MED15: variants seen among roughly 807,000 people sequenced by gnomAD.
MED15 encodes mediator complex subunit 15.
MED15 carries 41 observed loss-of-function variants against 118.7 expected under a neutral mutation model. That is an observed-to-expected ratio of 0.35 (90% CI 0.27 to 0.45). MED15 has a LOEUF of 0.45. Ranked by LOEUF, MED15 falls within the 20% of genes least tolerant of loss-of-function variation. The pLI, the probability that MED15 is intolerant of heterozygous loss-of-function variation, is 1.00. For missense variants in MED15, 740 were observed against 1,025.5 expected, an observed-to-expected ratio of 0.72 and a Z score of 3.80; for synonymous variants, 436 against 413.9, an observed-to-expected ratio of 1.05 and a Z score of -0.65.
rs558084569 is a variant in MED15 at position 20,585,920 on chromosome 22, G to T, written c.2230+94G>T. 113 of 1,213,156 alleles carry T rather than the reference G, an allele frequency of 9.3e-5. No homozygotes were observed. In the African/African-American group the frequency reaches 1.4e-3, roughly 15 times the overall value. 75.1% of individuals were successfully genotyped at this position (1,213,156 alleles called of 1,614,324 possible). The stretch of plus-strand genomic sequence containing the variant: ...CCACTGCAGCAGGGACAGCCTCTGT[G>T]TGCTCCTGCCCCTCCCCAGCTCAGG... On this transcript the variant is annotated intron_variant, in intron 17 of 17. Coordinates refer to ENST00000263205, the MANE Select transcript of MED15 (RefSeq NM_001003891.3).
At position 20,586,902 on chromosome 22, in the gene MED15, T is replaced by TG. The variant is rs553242234; in HGVS notation, c.*204dup. On this transcript the variant is annotated 3_prime_UTR_variant, in exon 18 of 18. Coordinates refer to ENST00000263205, the MANE Select transcript of MED15 (RefSeq NM_001003891.3). Reference sequence around the variant, plus strand: ...GATAGGCGCAGTGGAGCGGGTTGCTTGGGGGGCGTTGGCCGACTTCTTAGA... The same window carrying TG: ...GATAGGCGCAGTGGAGCGGGTTGCTTGGGGGGGCGTTGGCCGACTTCTTAGA... 127 of 819,404 alleles carry TG rather than the reference T, an allele frequency of 1.5e-4. No individual in the cohort carries two copies. The African/African-American group carries it at 2.0e-3, about 13-fold the overall frequency. The allele number at this position is 819,404 out of a possible 1,614,324, so 50.8% of individuals were successfully genotyped here.
At chr22:20,557,835 G>C (rs1209043509) in intron 5 of MED15, among the ~76,000 whole-genome samples, 1 of 152,180 alleles carries the variant, frequency 6.6e-6, no homozygotes, top group East Asian at 1.9e-4. Context: ...GGCTGGGCAC[G>C]GTGGCTCACG....
rs1478787896 is a variant in MED15 at position 20,582,718 on chromosome 22, G to A, written c.1380G>A (p.Gln460=). 6.6e-7 allele frequency: 1 copy of A among 1,525,782 alleles called. No individual in the cohort carries two copies. Among genetic ancestry groups the A allele is most frequent in the South Asian group, 1.1e-5 (1 of 89,512 alleles). 94.5% of individuals were successfully genotyped at this position (1,525,782 alleles called of 1,614,324 possible). The change falls in exon 10 of 18, where the codon CAG becomes CAA. Residue 460 remains glutamine (Q), a synonymous_variant. Transcript: ENST00000263205. The part of the protein sequence containing the change: ...PPPQPSPQPG[Q]PSSQPNSNVS... ...CCCAGCCGTCCCCGCAGCCCGGCCA[G>A]CCCAGCTCACAGCCCAACTCCAACG... is the stretch of plus-strand genomic sequence containing the variant.
intron 14 of MED15, 106 bp from the exon 15 acceptor site, chr22:20,584,749 G>A (rs2057083918): frequency 1.4e-6 from 2 of 1,379,682 alleles, no homozygotes; most frequent in Admixed American, 4.0e-5. Context: ...TGTGAGAGAG[G>A]CCTCGGGAAT....
intron 2 of MED15, among the ~76,000 whole-genome samples, chr22:20,543,133 GTGTGTGTGTGTGTGTGTGTA>G (rs1390244098): frequency 2.3e-5 from 1 of 44,020 alleles, no homozygotes; most frequent in Non-Finnish European, 4.8e-5. Context: ...GTGTGTGTGT[GTGTGTGTGTGTGTGTGTGTA>G]TTTTTAAAAT....
intron 9 of MED15, among the ~76,000 whole-genome samples, chr22:20,577,467 C>T (rs1029879542): frequency 1.3e-5 from 2 of 151,136 alleles, no homozygotes; most frequent in East Asian, 2.0e-4. Flanking sequence ...CCCAGCCTTC[C>T]CTGGCCCTTA....
chr22:20,583,266 A>AG lies in MED15; in HGVS notation c.1672+23dup. On this transcript the variant is annotated intron_variant, in intron 12 of 17. Coordinates refer to ENST00000263205, the MANE Select transcript of MED15 (RefSeq NM_001003891.3). ...AACGAAGGTAGGCTGCAGCCAGGGCAGGGGCCTGCACCCTGGGGACACCAC... is the reference window on the plus strand; with the variant it reads ...AACGAAGGTAGGCTGCAGCCAGGGCAGGGGGCCTGCACCCTGGGGACACCAC... The AG allele has an allele frequency of 6.2e-7, 1 of 1,611,886 alleles. No individual in the cohort carries two copies. Among genetic ancestry groups the AG allele is most frequent in the Non-Finnish European group, 8.5e-7 (1 of 1,178,592 alleles).
At chr22:20,551,367 C>A in intron 2 of MED15, 69 bp from the exon 3 acceptor site, 1 of 1,412,304 alleles carries the variant, frequency 7.1e-7, no homozygotes, top group Non-Finnish European at 1.0e-6. Flanking sequence ...GGCGAGGGGG[C>A]GGGAAGGGGG....
intron 2 of MED15, among the ~76,000 whole-genome samples, chr22:20,541,269 AAAT>A (rs2055297341): frequency 6.6e-6 from 1 of 152,090 alleles, no homozygotes; most frequent in Non-Finnish European, 1.5e-5. Flanking sequence ...AAATAAATAA[AAAT>A]AAATGAAATA....
intron 2 of MED15, among the ~76,000 whole-genome samples, chr22:20,542,889 G>T (rs2055365476): frequency 6.6e-6 from 1 of 152,116 alleles, no homozygotes; most frequent in Admixed American, 6.6e-5. Flanking sequence ...TGAGATGATT[G>T]AGGGGATTCA....
chr22:20,535,785 G>A (rs369416562), intron 1 of MED15, among the ~76,000 whole-genome samples: 5 of 151,288 alleles, frequency 3.3e-5, no homozygotes, highest in South Asian at 2.1e-4. Context: ...GGTCGTGCTC[G>A]CCTGACCTCG....
chr22:20,529,706 C>T (rs1483662637), intron 1 of MED15, among the ~76,000 whole-genome samples: 1 of 152,058 alleles, frequency 6.6e-6, no homozygotes, highest in Non-Finnish European at 1.5e-5. Flanking sequence ...TTCAAGCCAT[C>T]CTCCTACCTC....
At chr22:20,572,117 A>G (rs1482456864) in intron 8 of MED15, among the ~76,000 whole-genome samples, 4 of 152,218 alleles carry the variant, frequency 2.6e-5, no homozygotes, top group South Asian at 2.1e-4. Flanking sequence ...CCAGTGACAC[A>G]TATCTTGATG....
At chr22:20,573,158 G>A (rs1019541315) in intron 8 of MED15, among the ~76,000 whole-genome samples, 1 of 152,056 alleles carries the variant, frequency 6.6e-6, no homozygotes, top group African/African-American at 2.4e-5. Flanking sequence ...AGTAGAGACG[G>A]GGTTTTGTCA....
intron 1 of MED15, among the ~76,000 whole-genome samples, chr22:20,512,833 C>T (rs62238762): frequency 0.18 from 26,826 of 148,870 alleles, 3,204 homozygotes; most frequent in Middle Eastern, 0.28. Context: ...CCTCTGCCTC[C>T]CGGGTTCAAG....
chr22:20,523,456 C>A (rs1041168422), intron 1 of MED15, among the ~76,000 whole-genome samples: 2 of 152,054 alleles, frequency 1.3e-5, no homozygotes, highest in African/African-American at 4.8e-5. Flanking sequence ...CAACATATGG[C>A]CAGTGTTGCT....
intron 2 of MED15, 53 bp from the exon 3 acceptor site, chr22:20,551,383 G>A (rs1318240568): frequency 4.5e-6 from 7 of 1,542,224 alleles, no homozygotes; most frequent in Middle Eastern, 1.7e-4. Context: ...GGGGGAGTCC[G>A]ATGACTGCGC....
Position 20,564,368 on chromosome 22 carries a change from G to A in MED15, c.452-82G>A, listed in dbSNP as rs921563953. 4 of 1,568,210 alleles carry A rather than the reference G, an allele frequency of 2.6e-6. No homozygotes were observed. The South Asian group carries it at 4.8e-5, about 19-fold the overall frequency. ...CGTGGCAGTGGGGCTTTTGCTGGCTGTTTTGTCCCTTGCTGTGCAGCCCTG... is the reference window on the plus strand; with the variant it reads ...CGTGGCAGTGGGGCTTTTGCTGGCTATTTTGTCCCTTGCTGTGCAGCCCTG... On this transcript the variant is annotated intron_variant, in intron 5 of 17. Transcript: ENST00000263205.
chr22:20,583,486 GC>G (rs1394123619), intron 13 of MED15, 93 bp downstream of exon 13: 2 of 1,462,984 alleles, frequency 1.4e-6, no homozygotes, highest in Non-Finnish European at 1.9e-6. Flanking sequence ...TTTAACAAAG[GC>G]ACCAGGCAGC....
Sources: allele counts gnomAD v4.1 joint callset (sites outside exome capture counted in the v4.1 genomes callset), GRCh38; gene constraint gnomAD v4.1.1; transcripts MANE v1.5; gene names NCBI Gene and HGNC (gene_info 2026-07-23, HGNC 2026-07-21).